Variants in RASSF8 observed in about 807,000 individuals in gnomAD.
RASSF8 encodes the protein ras association domain-containing protein 8.
RASSF8 carries 22 observed loss-of-function variants against 48.5 expected under a neutral mutation model. The observed-to-expected ratio is 0.45, with a 90% confidence interval of 0.32 to 0.65. The LOEUF (loss-of-function observed/expected upper bound fraction) is 0.65. RASSF8 is among the 30% of genes least tolerant of loss of function. The probability of loss-of-function intolerance (pLI) is 0.03; values close to 1 mark genes in which losing one functional copy is unlikely to be tolerated. For missense variants in RASSF8, 418 were observed against 489.2 expected, an observed-to-expected ratio of 0.85 and a Z score of 1.37; for synonymous variants, 127 against 171.5, an observed-to-expected ratio of 0.74 and a Z score of 2.03.
chr12:26,068,461 A>C (rs903800412), intron 5 of RASSF8, among the ~76,000 whole-genome samples: 3 of 152,326 alleles, frequency 2.0e-5, no homozygotes, highest in Admixed American at 2.0e-4. Flanking sequence ...CCAAAAAAAG[A>C]AGCAGAATAT....
At chr12:26,013,495 C>T (rs1942578522) in intron 2 of RASSF8, among the ~76,000 whole-genome samples, 1 of 152,144 alleles carries the variant, frequency 6.6e-6, no homozygotes, top group Non-Finnish European at 1.5e-5. Context: ...TACTATTTTC[C>T]ATCAAATTCA....
At chr12:25,963,521 T>A (rs1472003141) in intron 1 of RASSF8, among the ~76,000 whole-genome samples, 1 of 152,244 alleles carries the variant, frequency 6.6e-6, no homozygotes, top group Non-Finnish European at 1.5e-5. Flanking sequence ...ACTTGTTTTT[T>A]AGGACTTTAG....
intron 1 of RASSF8, among the ~76,000 whole-genome samples, chr12:25,963,641 G>A (rs1183295225): frequency 6.6e-6 from 1 of 152,114 alleles, no homozygotes; most frequent in Non-Finnish European, 1.5e-5. Flanking sequence ...GCTGATTCAA[G>A]TCCTTCAGAA....
At chr12:26,008,258 G>A (rs1310662194) in intron 2 of RASSF8, among the ~76,000 whole-genome samples, 1 of 151,068 alleles carries the variant, frequency 6.6e-6, no homozygotes, top group Non-Finnish European at 1.5e-5. Context: ...GCAACACAGC[G>A]AGACTCCGTT....
chr12:26,072,114 C>T lies in RASSF8; in HGVS notation c.*3296C>T. ...ATGGACAGTTCCCATTGTGCATTGC[C>T]TTTGATAAATTTGGCCTTAATTTAT... On this transcript the variant is annotated 3_prime_UTR_variant, in exon 6 of 6. Coordinates refer to ENST00000689635, the MANE Select transcript of RASSF8 (RefSeq NM_001394098.1). 2.0e-6 allele frequency: 2 copies of T among 985,338 alleles called. No homozygotes were observed. The highest frequency in any genetic ancestry group is 2.4e-6 in the Non-Finnish European group (2 of 829,842). The allele number at this position is 985,338 out of a possible 1,614,324, so 61.0% of individuals were successfully genotyped here.
At chr12:26,045,166 T>C (rs1383873175) in intron 2 of RASSF8, among the ~76,000 whole-genome samples, 1 of 152,210 alleles carries the variant, frequency 6.6e-6, no homozygotes, top group African/African-American at 2.4e-5. Flanking sequence ...ACACTTTTTT[T>C]GTTCTCTATG....
intron 3 of RASSF8, among the ~76,000 whole-genome samples, chr12:26,057,100 T>TTGTGTGTGTGTGTGTG (rs57510363): frequency 8.0e-4 from 103 of 128,960 alleles, no homozygotes; most frequent in African/African-American, 2.5e-3. Context: ...AATGACACTT[T>TTGTGTGTGTGTGTGTG]TGTGTGTGTG....
In RASSF8 at chr12:26,069,872, A is replaced by C. The variant is rs562740647; in HGVS notation, c.*1054A>C. ...TCTTCCAGTCACTTAGATGGAAAGG[A>C]GGTTAAACCTAGGTACTTTTTAGCA... On this transcript the variant is annotated 3_prime_UTR_variant, in exon 6 of 6. Coordinates refer to ENST00000689635, the MANE Select transcript of RASSF8 (RefSeq NM_001394098.1). The C allele has an allele frequency of 5.1e-6, 5 of 984,238 alleles. No individual in the cohort carries two copies. The East Asian group carries it at 4.5e-4, about 89-fold the overall frequency. 61.0% of individuals were successfully genotyped at this position (984,238 alleles called of 1,614,324 possible). A position where few individuals can be genotyped will look rare whatever the true frequency, so the allele number is the denominator to read the frequency against.
chr12:26,047,670 A>G (rs1943400708), intron 2 of RASSF8, among the ~76,000 whole-genome samples: 3 of 144,136 alleles, frequency 2.1e-5, no homozygotes, highest in African/African-American at 8.6e-5. Context: ...GAATGAAACT[A>G]TGTCGACTTA....
At chr12:25,964,741 G>T (rs553281184) in intron 1 of RASSF8, among the ~76,000 whole-genome samples, 1 of 152,100 alleles carries the variant, frequency 6.6e-6, no homozygotes, top group Non-Finnish European at 1.5e-5. Flanking sequence ...ATTTATAATC[G>T]ATGAAACTCT....
At chr12:26,038,158 T>C (rs531936979) in intron 2 of RASSF8, among the ~76,000 whole-genome samples, 17 of 152,294 alleles carry the variant, frequency 1.1e-4, no homozygotes, top group African/African-American at 4.1e-4. Flanking sequence ...TGTGATAAAA[T>C]AGTTTGCTCT....
rs143450412 is a variant in RASSF8, at chr12:26,079,095, C to T, written c.*22C>T. 81 of 1,509,668 alleles carry T rather than the reference C, an allele frequency of 5.4e-5. No homozygotes were observed. In the African/African-American group the frequency reaches 9.5e-4, roughly 18 times the overall value. The allele number at this position is 1,509,668 out of a possible 1,614,324, so 93.5% of individuals were successfully genotyped here. On this transcript the variant is annotated 3_prime_UTR_variant, in exon 6 of 6. Transcript: ENST00000381352. ...TTAGATATCACACCAAAAGCTCAGG[C>T]AAGAAAAGCAAAAATGAACAAGTGG...
In RASSF8 at chr12:25,959,147, G is replaced by A. The variant is rs1332962247; in HGVS notation, c.-204G>A. 1 of 151,834 alleles carries A rather than the reference G, an allele frequency of 6.6e-6. No homozygotes were observed. Among genetic ancestry groups the A allele is most frequent in the Non-Finnish European group, 1.5e-5 (1 of 67,946 alleles). The allele number at this position is 151,834 out of a possible 1,614,324, so 9.4% of individuals were successfully genotyped here. On this transcript the variant is annotated splice_region_variant and 5_prime_UTR_variant, in exon 1 of 6. Transcript: ENST00000689635. ...GCGGGGGCGGCGCAGTTGCGAAACTGAGTAAGTATTAACTTTACTTAGCGG... is the reference window on the plus strand; with the variant it reads ...GCGGGGGCGGCGCAGTTGCGAAACTAAGTAAGTATTAACTTTACTTAGCGG...
At chr12:26,036,923 TAAAAA>T (rs1045165032) in intron 2 of RASSF8, among the ~76,000 whole-genome samples, 2 of 134,424 alleles carry the variant, frequency 1.5e-5, no homozygotes, top group Admixed American at 1.7e-4. Context: ...CACAAAAAAA[TAAAAA>T]AAAAACAAAA....
intron 2 of RASSF8, among the ~76,000 whole-genome samples, chr12:26,032,182 T>C (rs143073745): frequency 1.3e-4 from 20 of 152,334 alleles, no homozygotes; most frequent in African/African-American, 4.8e-4. Flanking sequence ...TATCCTTTCT[T>C]GTGATGAGCT....
intron 2 of RASSF8, among the ~76,000 whole-genome samples, chr12:26,017,735 C>T (rs1336883483): frequency 1.3e-5 from 2 of 152,348 alleles, no homozygotes; most frequent in East Asian, 3.9e-4. Flanking sequence ...CTGGGGAAGC[C>T]CCCATGCCAC....
chr12:26,067,425 A>G, intron 4 of RASSF8, 144 bp from the exon 5 acceptor site: 2 of 885,730 alleles, frequency 2.3e-6, no homozygotes, highest in Non-Finnish European at 3.4e-6. Context: ...CCATTGTGTC[A>G]ATATAAACCA....
chr12:26,070,852 G>T lies in RASSF8; in HGVS notation c.*2034G>T. The T allele has an allele frequency of 1.0e-6, 1 of 984,130 alleles. No individual in the cohort carries two copies. Among genetic ancestry groups the T allele is most frequent in the Non-Finnish European group, 1.2e-6 (1 of 828,844 alleles). 61.0% of individuals were successfully genotyped at this position (984,130 alleles called of 1,614,324 possible). On this transcript the variant is annotated 3_prime_UTR_variant, in exon 6 of 6. Coordinates refer to ENST00000689635, the MANE Select transcript of RASSF8 (RefSeq NM_001394098.1). Reference sequence around the variant, plus strand: ...AATTAGGAGTTTCAGAGATGCCTTGGCATACCACGAAAAACACTGTCAATA... The same window carrying T: ...AATTAGGAGTTTCAGAGATGCCTTGTCATACCACGAAAAACACTGTCAATA...
intron 2 of RASSF8, among the ~76,000 whole-genome samples, chr12:26,038,535 T>C (rs1257450617): frequency 6.6e-6 from 1 of 152,006 alleles, no homozygotes; most frequent in Non-Finnish European, 1.5e-5. Context: ...AAAAACCTTG[T>C]ATAACCTACT....
Sources: allele counts gnomAD v4.1 joint callset (sites outside exome capture counted in the v4.1 genomes callset), GRCh38; gene constraint gnomAD v4.1.1; transcripts MANE v1.5; gene names NCBI Gene and HGNC (gene_info 2026-07-23, HGNC 2026-07-21).